SLC10A7: variants seen among roughly 807,000 people sequenced by gnomAD.
The protein encoded by SLC10A7 is sodium/bile acid cotransporter 7.
Under a neutral mutation model 43.2 loss-of-function variants are expected in SLC10A7, and 29 were observed. The ratio of observed to expected loss-of-function variants is 0.67; its 90% CI spans 0.50 to 0.92. SLC10A7 has a LOEUF of 0.92. Among genes scored for constraint, SLC10A7 ranks in the 40% least tolerant of loss-of-function variants. SLC10A7 has a pLI of 0.00. For synonymous variants in SLC10A7, 152 were observed against 144.8 expected (o/e 1.05, Z -0.35); for missense variants, 295 against 403.2 (o/e 0.73, Z 2.30).
At chr4:146,462,490 TC>T (rs1447323763) in intron 4 of SLC10A7, among the ~76,000 whole-genome samples, 1 of 151,942 alleles carries the variant, frequency 6.6e-6, no homozygotes, top group African/African-American at 2.4e-5. Flanking sequence ...AAGGAAGAGC[TC>T]CCCCCAAACA....
At chr4:146,306,787 C>G (rs1009646412) in intron 6 of SLC10A7, among the ~76,000 whole-genome samples, 9 of 152,152 alleles carry the variant, frequency 5.9e-5, no homozygotes, top group African/African-American at 2.2e-4. Context: ...TCAAAACCTT[C>G]TCCTGTTTTT....
chr4:146,384,416 A>C (rs1737846778), intron 5 of SLC10A7, among the ~76,000 whole-genome samples: 1 of 152,150 alleles, frequency 6.6e-6, no homozygotes, highest in African/African-American at 2.4e-5. Context: ...TTTTATGAGT[A>C]GCTTATAAAA....
intron 7 of SLC10A7, among the ~76,000 whole-genome samples, chr4:146,294,972 C>T (rs1044575261): frequency 2.0e-5 from 3 of 152,086 alleles, no homozygotes; most frequent in African/African-American, 7.2e-5. Flanking sequence ...CACTCATTAT[C>T]CTGCATAATT....
At chr4:146,332,289 A>G (rs1733590380) in intron 5 of SLC10A7, among the ~76,000 whole-genome samples, 1 of 152,206 alleles carries the variant, frequency 6.6e-6, no homozygotes, top group African/African-American at 2.4e-5. Context: ...AATACTAGCC[A>G]CTGACATTGT....
intron 6 of SLC10A7, among the ~76,000 whole-genome samples, chr4:146,317,186 A>G (rs1173727430): frequency 3.9e-5 from 6 of 152,154 alleles, no homozygotes; most frequent in Non-Finnish European, 8.8e-5. Context: ...GCATATAACA[A>G]GAAAACAGCA....
intron 5 of SLC10A7, among the ~76,000 whole-genome samples, chr4:146,355,319 C>T (rs1440320190): frequency 6.6e-6 from 1 of 152,130 alleles, no homozygotes; most frequent in Non-Finnish European, 1.5e-5. Context: ...CAGAGAAATG[C>T]AAATCAAAAC....
chr4:146,499,748 A>G (rs571239609), intron 4 of SLC10A7, among the ~76,000 whole-genome samples: 53 of 152,320 alleles, frequency 3.5e-4, no homozygotes, highest in African/African-American at 1.3e-3. Context: ...ATACAATATA[A>G]ACATTTAAAG....
At chr4:146,499,893 G>A (rs543209255) in intron 4 of SLC10A7, among the ~76,000 whole-genome samples, 18 of 152,294 alleles carry the variant, frequency 1.2e-4, no homozygotes, top group South Asian at 1.0e-3. Flanking sequence ...CTAATGCTAC[G>A]TCAATGTCAA....
intron 10 of SLC10A7, among the ~76,000 whole-genome samples, chr4:146,276,864 G>A (rs1729237376): frequency 6.6e-6 from 1 of 152,094 alleles, no homozygotes; most frequent in Non-Finnish European, 1.5e-5. Flanking sequence ...TGAGGTAGGA[G>A]GATGGTTGGA....
At chr4:146,325,408 A>G (rs1263360153) in intron 6 of SLC10A7, among the ~76,000 whole-genome samples, 1 of 152,184 alleles carries the variant, frequency 6.6e-6, no homozygotes, top group Non-Finnish European at 1.5e-5. Flanking sequence ...TGTTTAGTTA[A>G]CTAGAAGCGT....
At chr4:146,477,959 A>C (rs1172608112) in intron 4 of SLC10A7, 3 of 152,240 alleles carry the variant, frequency 2.0e-5, no homozygotes, top group African/African-American at 7.2e-5. Context: ...TCAATCAAGC[A>C]CGAGAGTACC....
chr4:146,492,081 G>A (rs1735504354), intron 4 of SLC10A7, among the ~76,000 whole-genome samples: 1 of 152,088 alleles, frequency 6.6e-6, no homozygotes, highest in African/African-American at 2.4e-5. Context: ...TTAGCTGGGC[G>A]TGGTGGCGGG....
At chr4:146,295,838 T>C (rs1730746677) in intron 7 of SLC10A7, among the ~76,000 whole-genome samples, 1 of 152,198 alleles carries the variant, frequency 6.6e-6, no homozygotes, top group African/African-American at 2.4e-5. Context: ...AATCTTGTTT[T>C]TAATACACAA....
At chr4:146,453,228 A>G (rs906373195) in intron 4 of SLC10A7, among the ~76,000 whole-genome samples, 1 of 151,992 alleles carries the variant, frequency 6.6e-6, no homozygotes, top group African/African-American at 2.4e-5. Flanking sequence ...CAATTCAGGT[A>G]AGGAAAAAAA....
At chr4:146,281,561 T>C in intron 10 of SLC10A7, among the ~76,000 whole-genome samples, 1 of 152,158 alleles carries the variant, frequency 6.6e-6, no homozygotes, top group Non-Finnish European at 1.5e-5. Flanking sequence ...TCTGTGTATC[T>C]GAGGAGTCTG....
At chr4:146,445,281 CTT>C (rs1730945512) in intron 4 of SLC10A7, among the ~76,000 whole-genome samples, 1 of 152,120 alleles carries the variant, frequency 6.6e-6, no homozygotes, top group South Asian at 2.1e-4. Context: ...CCCTTGATCC[CTT>C]ATGGGACTCG....
At chr4:146,514,301 T>G (rs1737750718) in intron 2 of SLC10A7, 1 of 152,252 alleles carries the variant, frequency 6.6e-6, no homozygotes, top group African/African-American at 2.4e-5. Flanking sequence ...CACCTTTGTT[T>G]CTATCCCCAG....
chr4:146,459,491 G>A (rs1424079746), intron 4 of SLC10A7, among the ~76,000 whole-genome samples: 2 of 151,652 alleles, frequency 1.3e-5, no homozygotes, highest in African/African-American at 2.4e-5. Context: ...ATCAACAGAA[G>A]AGAAGAGAAA....
rs181772027 is a variant in SLC10A7 at position 146,260,927 on chromosome 4, T to C, written c.848-2090A>G. Among the ~76,000 whole-genome samples the C allele has an allele frequency of 3.8e-4, 58 of 152,242 alleles. 1 individual carries two copies. In the East Asian group the frequency reaches 9.1e-3, roughly 24 times the overall value. On this transcript the variant is annotated intron_variant, in intron 10 of 11. Coordinates refer to ENST00000335472, the MANE Select transcript of SLC10A7 (RefSeq NM_001029998.6). ...GGACGTCCCTGTGATTTCAAATATG[T>C]CAAAAGCAACTGCTAGGGCTACCCC...
Sources: gnomAD v4.1 joint callset for allele counts (sites outside exome capture counted in the v4.1 genomes callset) on GRCh38, gnomAD v4.1.1 for gene constraint, MANE v1.5 for transcripts, NCBI Gene and HGNC (gene_info 2026-07-23, HGNC 2026-07-21) for gene names.